Variants in HSF1 observed in about 807,000 individuals in gnomAD.
HSF1 encodes the protein heat shock factor protein 1.
A neutral mutation model predicts 51.7 loss-of-function variants in HSF1; 32 were observed. That is an observed-to-expected ratio of 0.62 (90% CI 0.47 to 0.83). The LOEUF (loss-of-function observed/expected upper bound fraction) is 0.83, where lower values mean the gene tolerates loss of function less well. Among genes scored for constraint, HSF1 ranks in the 40% least tolerant of loss-of-function variants. The pLI is 0.00. For synonymous variants in HSF1, 396 were observed against 309.7 expected (o/e 1.28, Z -2.92); for missense variants, 727 against 717.0 (o/e 1.01, Z -0.16).
chr8:144,301,936 C>T (rs1300508031), intron 1 of HSF1, among the ~76,000 whole-genome samples: 4 of 150,470 alleles, frequency 2.7e-5, no homozygotes, highest in African/African-American at 9.7e-5. Flanking sequence ...CTCAGAGGCT[C>T]GGGTGGAAGG....
chr8:144,313,650 C>CCCCG (rs1564625520), intron 10 of HSF1, 34 bp downstream of exon 10: 31 of 249,796 alleles, frequency 1.2e-4, no homozygotes, highest in Admixed American at 2.5e-4. Flanking sequence ...CCTCCCCGCC[C>CCCCG]CGCCTCCCCG....
chr8:144,309,103 G>A (rs1816424229), intron 2 of HSF1, 89 bp downstream of exon 2: 8 of 1,058,860 alleles, frequency 7.6e-6, no homozygotes, highest in Non-Finnish European at 1.2e-5. Context: ...GATGAAGGAC[G>A]GGGCGTCCTG....
Position 144,308,930 on chromosome 8 carries a change from G to T in HSF1, c.142G>T (p.Asp48Tyr). Residue 48 changes from aspartate (D) to tyrosine (Y), a missense_variant, in exon 2 of 13, where the codon GAC becomes TAC. Asp to Tyr is a radical substitution (Grantham distance 160, BLOSUM62 -3). Around this residue, in one of 2 missense-constraint regions of HSF1, gnomAD observed 257 missense variants for 318.3 expected, o/e 0.81. Coordinates refer to ENST00000528838, the MANE Select transcript of HSF1 (RefSeq NM_005526.4). ...GAGCGGGAACAGCTTCCACGTGTTC[G>T]ACCAGGGCCAGTTTGCCAAGGAGGT... ...SPSGNSFHVF[D>Y]QGQFAKEVLP... 1.2e-6 allele frequency: 2 copies of T among 1,614,150 alleles called. No individual in the cohort carries two copies. Among genetic ancestry groups the T allele is most frequent in the Non-Finnish European group, 1.7e-6 (2 of 1,179,976 alleles).
At position 144,311,195 on chromosome 8, in the gene HSF1, G is replaced by A; in HGVS notation, c.510G>A (p.Arg170=). The change falls in exon 5 of 13, where the codon CGG becomes CGA. Residue 170 remains arginine, a synonymous_variant. Coordinates refer to ENST00000528838, the MANE Select transcript of HSF1 (RefSeq NM_005526.4). ...GCAGTGAGAATGAGGCTCTGTGGCGGGAGGTGGCCAGCCTTCGGCAGAAGC... is the reference window on the plus strand; with the variant it reads ...GCAGTGAGAATGAGGCTCTGTGGCGAGAGGTGGCCAGCCTTCGGCAGAAGC... ...AMKHENEALW[R]EVASLRQKHA... 6.2e-7 allele frequency: 1 copy of A among 1,601,540 alleles called. No homozygotes were observed. The highest frequency in any genetic ancestry group is 8.5e-7 in the Non-Finnish European group (1 of 1,174,060).
At chr8:144,292,610 G>A (rs528207018) in intron 1 of HSF1, 1 of 152,348 alleles carries the variant, frequency 6.6e-6, no homozygotes, top group Non-Finnish European at 1.5e-5. Context: ...CGGCTGTGAC[G>A]TCGTGTCCGG....
At chr8:144,292,473 C>G (rs1286399350) in intron 1 of HSF1, 1 of 152,314 alleles carries the variant, frequency 6.6e-6, no homozygotes, top group African/African-American at 2.4e-5. Flanking sequence ...ATTCGTGTTT[C>G]TGTCTTCAGT....
At chr8:144,313,152 G>A (rs1465054871) in intron 9 of HSF1, 2 of 383,268 alleles carry the variant, frequency 5.2e-6, no homozygotes, top group Admixed American at 4.1e-5. Context: ...CACACACTGA[G>A]CAGAGCCCCA....
intron 1 of HSF1, among the ~76,000 whole-genome samples, chr8:144,307,601 G>T (rs782550806): frequency 1.3e-5 from 2 of 151,604 alleles, no homozygotes; most frequent in Non-Finnish European, 2.9e-5. Context: ...TGAGCCGGGC[G>T]TGGTGGCGCC....
chr8:144,304,694 T>G (rs1554842981), intron 1 of HSF1, among the ~76,000 whole-genome samples: 1 of 152,210 alleles, frequency 6.6e-6, no homozygotes, highest in African/African-American at 2.4e-5. Context: ...TCACCCAGGC[T>G]AGAGGGCAGT....
chr8:144,313,195 A>G (rs1816803302), intron 9 of HSF1: 2 of 412,594 alleles, frequency 4.8e-6, no homozygotes, highest in African/African-American at 4.0e-5. Flanking sequence ...AAACCTCACC[A>G]ACCCTGAACA....
rs781800589 is a variant in HSF1, at chr8:144,309,448, T to C, written c.227-7T>C. 96 of 1,613,714 alleles carry C rather than the reference T, an allele frequency of 5.9e-5. No individual in the cohort carries two copies. The highest frequency in any genetic ancestry group is 7.7e-5 in the Non-Finnish European group (91 of 1,179,956). ...GGCAGAGCTGCCCCCTTCCCTGTTA[T>C]GTGCAGATGGCTTCCGGAAAGTGGT... On this transcript the variant is annotated splice_region_variant and splice_polypyrimidine_tract_variant and intron_variant, in intron 2 of 12. Transcript: ENST00000528838.
In HSF1 at chr8:144,311,744, T is replaced by C; in HGVS notation, c.768T>C (p.Asp256=). ...AYSSSSLYAP[D]AVASSGPIIS... ...GCAGCTCCAGCCTCTACGCCCCTGA[T>C]GCTGTGGCCAGCTCTGGACCCATCA... The change falls in exon 8 of 13, where the codon GAT becomes GAC. Residue 256 remains aspartate, a synonymous_variant. Transcript: ENST00000528838. 2.5e-6 allele frequency: 4 copies of C among 1,612,950 alleles called. No homozygotes were observed. Among genetic ancestry groups the C allele is most frequent in the East Asian group, 4.5e-5 (2 of 44,866 alleles).
At chr8:144,309,921 GCCACA>G in intron 4 of HSF1, 25 bp downstream of exon 4, 1 of 1,598,290 alleles carries the variant, frequency 6.3e-7, no homozygotes, top group South Asian at 1.1e-5. Flanking sequence ...AGCATTATGG[GCCACA>G]GCGGGTCCTG....
At chr8:144,304,089 ACT>A (rs1170839190) in intron 1 of HSF1, among the ~76,000 whole-genome samples, 1 of 151,484 alleles carries the variant, frequency 6.6e-6, no homozygotes, top group Admixed American at 6.6e-5. Context: ...AGGATGTGAA[ACT>A]CTGGTGGTCT....
chr8:144,308,762 GCC>G, intron 1 of HSF1, 142 bp from the exon 2 acceptor site: 1 of 678,038 alleles, frequency 1.5e-6, no homozygotes, highest in Non-Finnish European at 2.7e-6. Flanking sequence ...CCTCCCGCCA[GCC>G]CCCTGGGCCT....
intron 1 of HSF1, among the ~76,000 whole-genome samples, chr8:144,303,012 G>A (rs934546788): frequency 4.6e-5 from 7 of 152,052 alleles, no homozygotes; most frequent in African/African-American, 7.2e-5. Flanking sequence ...GAACTCACCC[G>A]TGCTGCTGAG....
intron 1 of HSF1, among the ~76,000 whole-genome samples, chr8:144,298,042 A>G (rs1413862219): frequency 2.6e-5 from 4 of 152,206 alleles, no homozygotes; most frequent in Non-Finnish European, 5.9e-5. Context: ...ATCTCGCACC[A>G]GCCAGGGGCC....
Position 144,313,574 on chromosome 8 carries a change from G to A in HSF1, c.1206G>A (p.Leu402=), listed in dbSNP as rs1816841690. ...ACCTGGATAACCTGCAGACCATGCT[G>A]AGCAGCCACGGCTTCAGCGTGGACA... ...DSNLDNLQTM[L]SSHGFSVDTS... Residue 402 remains leucine (L), a synonymous_variant, in exon 10 of 13, where the codon CTG becomes CTA. Transcript: ENST00000528838. 1 of 1,611,722 alleles carries A rather than the reference G, an allele frequency of 6.2e-7. No homozygotes were observed. The highest frequency in any genetic ancestry group is 2.2e-5 in the East Asian group (1 of 44,830).
At position 144,297,327 on chromosome 8, in the gene HSF1, CT is replaced by C; in HGVS notation, c.117+5454del. On this transcript the variant is annotated intron_variant, in intron 1 of 12. Transcript: ENST00000528838. The surrounding 1 kb of genome is among the most constrained non-coding windows in gnomAD (Gnocchi z 4.6). ...CAAGGGCTGCTGCTGCCTCAGCCTC[CT>C]CCCTGTGACCCTGTGGGCCATGGTG... is the stretch of plus-strand genomic sequence containing the variant. Among the ~76,000 whole-genome samples the C allele has an allele frequency of 6.6e-6, 1 of 152,304 alleles. No individual in the cohort carries two copies. Among genetic ancestry groups the C allele is most frequent in the South Asian group, 2.1e-4 (1 of 4,828 alleles).
Sources: gnomAD v4.1 joint callset for allele counts (sites outside exome capture counted in the v4.1 genomes callset) on GRCh38, gnomAD v4.1.1 for gene constraint, gnomAD v4.1.1 regional missense constraint, Gnocchi (gnomAD v3.1) non-coding constraint, MANE v1.5 for transcripts, NCBI Gene and HGNC (gene_info 2026-07-23, HGNC 2026-07-21) for gene names.